FBXW7: variants seen among roughly 807,000 people sequenced by gnomAD.
FBXW7 encodes the protein F-box and WD repeat domain containing 7.
FBXW7 carries 11 observed loss-of-function variants against 86.3 expected under a neutral mutation model. The ratio of observed to expected loss-of-function variants is 0.13; its 90% CI spans 0.08 to 0.21. FBXW7 has a LOEUF of 0.21. Among genes scored for constraint, FBXW7 ranks in the 10% least tolerant of loss-of-function variants. The pLI, the probability that FBXW7 is intolerant of heterozygous loss-of-function variation, is 1.00. For synonymous variants in FBXW7, 313 were observed against 297.9 expected (o/e 1.05, Z -0.52); for missense variants, 488 against 847.4 (o/e 0.58, Z 5.27).
intron 2 of FBXW7, among the ~76,000 whole-genome samples, chr4:152,467,393 A>ATT (rs1288118064): frequency 5.3e-5 from 8 of 152,330 alleles, no homozygotes; most frequent in African/African-American, 1.9e-4. Context: ...ACTGTGAGTC[A>ATT]ATTAAGCCTC....
chr4:152,443,687 T>G (rs1004381312), intron 2 of FBXW7, among the ~76,000 whole-genome samples: 2 of 152,096 alleles, frequency 1.3e-5, no homozygotes, highest in African/African-American at 4.8e-5. Context: ...ATTTGCTGGG[T>G]GGGTAGGTAA....
intron 2 of FBXW7, among the ~76,000 whole-genome samples, chr4:152,491,878 T>G (rs539089002): frequency 6.6e-6 from 1 of 152,318 alleles, no homozygotes; most frequent in East Asian, 1.9e-4. Context: ...TTCTATAATT[T>G]TTAGATAAAA....
intron 2 of FBXW7, among the ~76,000 whole-genome samples, chr4:152,431,489 A>G (rs1441864714): frequency 6.6e-6 from 1 of 152,120 alleles, no homozygotes; most frequent in Non-Finnish European, 1.5e-5. Flanking sequence ...GTTCTCAGGG[A>G]AAAAAATGGT....
rs182463120 is a variant in FBXW7 at position 152,434,933 on chromosome 4, T to C, written c.-119-22404A>G. ...TCACTCAGGGGTTCCTAATTCTCTG[T>C]TCCCCCAACCTCCTTTCCCCCCGCT... On this transcript the variant is annotated intron_variant, in intron 2 of 13. Coordinates refer to ENST00000281708, the MANE Select transcript of FBXW7 (RefSeq NM_001349798.2). Among the ~76,000 whole-genome samples, 778 of 140,800 alleles carry C rather than the reference T, an allele frequency of 5.5e-3. 3 individuals carry two copies. Among genetic ancestry groups the C allele is most frequent in the Non-Finnish European group, 8.8e-3 (583 of 66,410 alleles). The allele number at this position is 140,800 out of a possible 152,430, so 92.4% of individuals were successfully genotyped here. A position where few individuals can be genotyped will look rare whatever the true frequency, so the allele number is the denominator to read the frequency against.
chr4:152,426,490 C>T (rs1184318079), intron 2 of FBXW7, among the ~76,000 whole-genome samples: 11 of 152,078 alleles, frequency 7.2e-5, no homozygotes, highest in Non-Finnish European at 1.0e-4. Flanking sequence ...GCTGGGACTA[C>T]AGGCGCACGT....
At chr4:152,474,548 T>C (rs1744230831) in intron 2 of FBXW7, among the ~76,000 whole-genome samples, 1 of 152,214 alleles carries the variant, frequency 6.6e-6, no homozygotes, top group African/African-American at 2.4e-5. Flanking sequence ...CATCACCTAT[T>C]TGATTTAGCC....
chr4:152,462,999 T>G (rs953169409), intron 2 of FBXW7, among the ~76,000 whole-genome samples: 3 of 151,476 alleles, frequency 2.0e-5, no homozygotes, highest in East Asian at 3.9e-4. Flanking sequence ...TTATAAAGAA[T>G]GTTTTTGGCT....
chr4:152,514,159 T>C (rs982553444), intron 2 of FBXW7, among the ~76,000 whole-genome samples: 12 of 152,236 alleles, frequency 7.9e-5, no homozygotes, highest in Admixed American at 7.2e-4. Context: ...AAAATTTAAA[T>C]TTAACTATCT....
intron 2 of FBXW7, among the ~76,000 whole-genome samples, chr4:152,457,020 G>A (rs1311340925): frequency 6.6e-6 from 1 of 152,092 alleles, no homozygotes; most frequent in Non-Finnish European, 1.5e-5. Flanking sequence ...TACTAAAAAT[G>A]AAATACTATT....
At chr4:152,355,009 T>C (rs958409807) in intron 4 of FBXW7, among the ~76,000 whole-genome samples, 1 of 152,162 alleles carries the variant, frequency 6.6e-6, no homozygotes, top group Non-Finnish European at 1.5e-5. Flanking sequence ...CAATTCTCCC[T>C]AATATCTTAT....
chr4:152,440,096 T>C, intron 2 of FBXW7, among the ~76,000 whole-genome samples: 1 of 152,182 alleles, frequency 6.6e-6, no homozygotes, highest in Non-Finnish European at 1.5e-5. Context: ...TGAGTCAAAA[T>C]TAGGCAATAA....
chr4:152,412,599 G>C (rs529769899), intron 2 of FBXW7, 70 bp from the exon 3 acceptor site: 79 of 151,590 alleles, frequency 5.2e-4, no homozygotes, highest in African/African-American at 1.8e-3. Context: ...AAAAAATAAA[G>C]ATAAAAATAA....
intron 5 of FBXW7, among the ~76,000 whole-genome samples, chr4:152,347,785 T>C (rs1731411875): frequency 6.6e-6 from 1 of 152,086 alleles, no homozygotes; most frequent in Admixed American, 6.6e-5. Context: ...TGAAATTCAA[T>C]TCTGCCACTA....
At chr4:152,433,661 G>A (rs942960891) in intron 2 of FBXW7, among the ~76,000 whole-genome samples, 3 of 152,180 alleles carry the variant, frequency 2.0e-5, no homozygotes, top group African/African-American at 2.4e-5. Flanking sequence ...TGACTGTTGC[G>A]CTCTACCTAA....
chr4:152,514,508 G>C (rs1265003016), intron 2 of FBXW7, among the ~76,000 whole-genome samples: 1 of 152,174 alleles, frequency 6.6e-6, no homozygotes, highest in Non-Finnish European at 1.5e-5. Flanking sequence ...CCAAATCTCA[G>C]GTTGAAATCT....
At chr4:152,429,691 C>G (rs183323762) in intron 2 of FBXW7, among the ~76,000 whole-genome samples, 1 of 152,272 alleles carries the variant, frequency 6.6e-6, no homozygotes, top group Non-Finnish European at 1.5e-5. Context: ...AATCTTTGGG[C>G]AAGCAACCTT....
At chr4:152,349,990 A>G (rs1287759407) in intron 5 of FBXW7, 52 bp downstream of exon 5, 5 of 1,026,926 alleles carry the variant, frequency 4.9e-6, no homozygotes, top group Non-Finnish European at 5.7e-6. Context: ...CACTTTCAGA[A>G]TCAACTCTAA....
At chr4:152,324,120 C>G (rs2126473956) in intron 13 of FBXW7, 64 bp downstream of exon 13, 1 of 1,278,174 alleles carries the variant, frequency 7.8e-7, no homozygotes, top group East Asian at 2.3e-5. Flanking sequence ...TGCTAAGGCT[C>G]CATATTTCTC....
rs1337056879 is a variant in FBXW7, at chr4:152,323,993, T to C, written c.1855+191A>G. ...TGATTAAACAATTTTATATTACATA[T>C]TAAAAACACAGTTTAAAACATTTCC... On this transcript the variant is annotated intron_variant, in intron 13 of 13. Coordinates refer to ENST00000281708, the MANE Select transcript of FBXW7 (RefSeq NM_001349798.2). The C allele has an allele frequency of 7.0e-6, 4 of 568,446 alleles. No homozygotes were observed. In the Admixed American group the frequency reaches 1.3e-4, roughly 18 times the overall value. 35.2% of individuals were successfully genotyped at this position (568,446 alleles called of 1,614,324 possible).
Sources: gnomAD v4.1 joint callset for allele counts (sites outside exome capture counted in the v4.1 genomes callset) on GRCh38, gnomAD v4.1.1 for gene constraint, MANE v1.5 for transcripts, NCBI Gene and HGNC (gene_info 2026-07-23, HGNC 2026-07-21) for gene names.